Variants in SVIL observed in about 807,000 individuals in gnomAD.
The protein encoded by SVIL is archvillin.
Under a neutral mutation model 240.4 loss-of-function variants are expected in SVIL, and 101 were observed. The ratio of observed to expected loss-of-function variants is 0.42; its 90% confidence interval spans 0.36 to 0.50. The LOEUF (loss-of-function observed/expected upper bound fraction) is 0.50, where lower values mean the gene tolerates loss of function less well. SVIL is among the 20% of genes least tolerant of loss of function. The pLI, the probability that SVIL is intolerant of heterozygous loss-of-function variation, is 0.01. For missense variants in SVIL, 2,512 were observed against 2,818.7 expected, an observed-to-expected ratio of 0.89 and a Z score of 2.46; for synonymous variants, 999 against 1,100.0, an observed-to-expected ratio of 0.91 and a Z score of 1.82.
intron 1 of SVIL, among the ~76,000 whole-genome samples, chr10:29,730,982 G>A (rs774453907): frequency 1.3e-4 from 20 of 152,152 alleles, no homozygotes; most frequent in Non-Finnish European, 2.5e-4. Context: ...GGCACAATAC[G>A]AAATCTTTTT....
At chr10:29,661,837 C>CT (rs928080934) in intron 2 of SVIL, among the ~76,000 whole-genome samples, 14 of 151,400 alleles carry the variant, frequency 9.2e-5, no homozygotes, top group East Asian at 1.9e-4. Flanking sequence ...AACTTTCTTT[C>CT]TTTTTTTTTG....
At chr10:29,672,427 T>A (rs984522195) in intron 2 of SVIL, among the ~76,000 whole-genome samples, 3 of 151,526 alleles carry the variant, frequency 2.0e-5, no homozygotes, top group African/African-American at 7.3e-5. Context: ...TGAGCCGTGA[T>A]CACACCGCTG....
intron 3 of SVIL, among the ~76,000 whole-genome samples, chr10:29,645,874 G>A (rs1028742041): frequency 2.0e-5 from 3 of 152,226 alleles, no homozygotes; most frequent in Admixed American, 6.5e-5. Flanking sequence ...GATAGTGGGT[G>A]CAAGTTGCAT....
rs1248877053 is a variant in SVIL, at chr10:29,522,480, C to T, written c.3319G>A (p.Gly1107Arg). ...CKNPCAMFAA[G>R]EIKTPTGEGL... ...TCCCCTGTCGGCGTTTTGATCTCTC[C>T]AGCAGCAAACATCGCACATGGATTC... is the stretch of plus-strand genomic sequence containing the variant. The change falls in exon 16 of 38, where the codon GGA becomes AGA. Residue 1107 changes from glycine to arginine, a missense_variant. By Grantham distance (125) the Gly-to-Arg change is moderately radical. Transcript: ENST00000355867. The T allele has an allele frequency of 6.2e-7, 1 of 1,614,174 alleles. No homozygotes were observed. The highest frequency in any genetic ancestry group is 1.7e-5 in the Admixed American group (1 of 60,018).
At chr10:29,673,066 G>A (rs1293228294) in intron 2 of SVIL, among the ~76,000 whole-genome samples, 8 of 151,698 alleles carry the variant, frequency 5.3e-5, no homozygotes, top group Admixed American at 2.6e-4. Flanking sequence ...GGCACCCACC[G>A]CCACACCCAG....
intron 1 of SVIL, among the ~76,000 whole-genome samples, chr10:29,726,947 G>A (rs987285475): frequency 3.5e-4 from 53 of 151,962 alleles, no homozygotes; most frequent in African/African-American, 1.2e-3. Flanking sequence ...AAATGTATCC[G>A]CCACTGTAAG....
chr10:29,620,909 G>A (rs1219626155), intron 1 of SVIL, among the ~76,000 whole-genome samples: 3 of 151,486 alleles, frequency 2.0e-5, no homozygotes, highest in South Asian at 2.1e-4. Context: ...GAGCCACCAC[G>A]CCCGGGCTAT....
intron 1 of SVIL, among the ~76,000 whole-genome samples, chr10:29,583,863 C>A (rs78865538): frequency 8.7e-4 from 133 of 152,272 alleles, no homozygotes; most frequent in African/African-American, 3.2e-3. Context: ...CACGTTTATG[C>A]GTGGGTGTAA....
rs371035681 is a variant in SVIL at position 29,606,454 on chromosome 10, C to T, written c.-201+27966G>A. On this transcript the variant is annotated intron_variant, in intron 1 of 37. Transcript: ENST00000355867. Reference sequence around the variant, plus strand: ...CAACTGCTATCAAGGTTTTGTTATACTTCTTTCTTCTATCTCTTCTCTCTC... The same window carrying T: ...CAACTGCTATCAAGGTTTTGTTATATTTCTTTCTTCTATCTCTTCTCTCTC... Among the ~76,000 whole-genome samples the T allele has an allele frequency of 4.6e-5, 7 of 152,280 alleles. No individual in the cohort carries two copies. The South Asian group carries it at 1.5e-3, about 32-fold the overall frequency.
chr10:29,488,281 G>T (rs1160395098), intron 23 of SVIL, among the ~76,000 whole-genome samples: 1 of 152,054 alleles, frequency 6.6e-6, no homozygotes, highest in Non-Finnish European at 1.5e-5. Context: ...GCTTCGTGGG[G>T]CACGGGGCGC....
At chr10:29,504,613 T>C (rs1949132256) in intron 17 of SVIL, among the ~76,000 whole-genome samples, 1 of 152,174 alleles carries the variant, frequency 6.6e-6, no homozygotes, top group Admixed American at 6.5e-5. Flanking sequence ...TCTGCAAATC[T>C]CATCATTAGA....
chr10:29,509,665 G>A (rs1286293427), intron 17 of SVIL, among the ~76,000 whole-genome samples: 3 of 151,996 alleles, frequency 2.0e-5, no homozygotes, highest in Admixed American at 6.6e-5. Flanking sequence ...CCTGACCTAC[G>A]TGGAGAAACC....
In SVIL at chr10:29,735,581, C is replaced by A. The variant is rs146202608; in HGVS notation, c.-400+170G>T. On this transcript the variant is annotated intron_variant, in intron 1 of 35. Coordinates refer to the SVIL transcript ENST00000375400. This position sits in a 1 kb window ranked among gnomAD's most constrained non-coding sequence, Gnocchi z 4.1. Reference sequence around the variant, plus strand: ...GGCCCGGGCACCCGCCGGCCTCCACCCCCGGGAGGCGCCCCCGTTCCCGCT... The same window carrying A: ...GGCCCGGGCACCCGCCGGCCTCCACACCCGGGAGGCGCCCCCGTTCCCGCT... 0.013 allele frequency among the ~76,000 whole-genome samples: 1,974 copies of A among 151,276 alleles called. 41 individuals are homozygous for A. Among genetic ancestry groups the A allele is most frequent in the African/African-American group, 0.041 (1,706 of 41,380 alleles).
At chr10:29,691,212 ATT>A (rs1364591858) in intron 1 of SVIL, among the ~76,000 whole-genome samples, 12 of 142,452 alleles carry the variant, frequency 8.4e-5, no homozygotes, top group Admixed American at 1.4e-4. Context: ...ATAATGAATA[ATT>A]TTTTTTTTTT....
Position 29,458,501 on chromosome 10 carries a change from G to C in SVIL, c.6491C>G (p.Ala2164Gly). The C allele has an allele frequency of 6.3e-7, 1 of 1,595,170 alleles. No homozygotes were observed. The highest frequency in any genetic ancestry group is 8.5e-7 in the Non-Finnish European group (1 of 1,170,866). ...ATCGACCCCCTCCGGGAGTGGCCTG[G>C]CCAGGAGGTCGGCCAGCGGGTAAAT... Reference protein sequence around the residue: ...KTIYPLADLLARPLPEGVDPL... With the variant: ...KTIYPLADLLGRPLPEGVDPL... The change falls in exon 37 of 38, where the codon GCC (alanine) becomes GGC (glycine). Residue 2164 changes from alanine (A) to glycine (G), a missense_variant. By Grantham distance (60) the Ala-to-Gly change is moderately conservative. Coordinates refer to ENST00000355867, the MANE Select transcript of SVIL (RefSeq NM_021738.3).
At chr10:29,604,626 A>G (rs1432419765) in intron 1 of SVIL, among the ~76,000 whole-genome samples, 2 of 151,884 alleles carry the variant, frequency 1.3e-5, no homozygotes, top group Non-Finnish European at 2.9e-5. Flanking sequence ...GTGCAGTGGC[A>G]CAATCATACG....
intron 1 of SVIL, among the ~76,000 whole-genome samples, chr10:29,719,054 G>A (rs942614430): frequency 5.3e-5 from 8 of 152,196 alleles, no homozygotes; most frequent in African/African-American, 1.9e-4. Context: ...GTTGCGGTGA[G>A]CTGAGATCGT....
At chr10:29,463,780 A>G (rs1185486844) in intron 34 of SVIL, 145 bp from the exon 35 acceptor site, 2 of 1,147,956 alleles carry the variant, frequency 1.7e-6, no homozygotes, top group Admixed American at 2.9e-5. Context: ...CCAGGGGCAA[A>G]GGGGCAAACA....
At chr10:29,460,796 C>T (rs564852239) in intron 36 of SVIL, among the ~76,000 whole-genome samples, 1 of 152,132 alleles carries the variant, frequency 6.6e-6, no homozygotes, top group Non-Finnish European at 1.5e-5. Flanking sequence ...GTCCCAGCTA[C>T]CTGGGAGGCT....
Sources: gnomAD v4.1 joint callset for allele counts (sites outside exome capture counted in the v4.1 genomes callset) on GRCh38, gnomAD v4.1.1 for gene constraint, Gnocchi (gnomAD v3.1) non-coding constraint, MANE v1.5 for transcripts, NCBI Gene and HGNC (gene_info 2026-07-23, HGNC 2026-07-21) for gene names.